The following C1orf21 variants were observed in gnomAD, a reference collection of about 807,000 sequenced individuals.
C1orf21 encodes chromosome 1 open reading frame 21.
C1orf21 carries 3 observed loss-of-function variants against 18.7 expected under a neutral mutation model. That is an observed-to-expected ratio of 0.16 (90% CI 0.07 to 0.42). C1orf21 has a LOEUF of 0.42. C1orf21 is among the 10% of genes least tolerant of loss of function. The probability of loss-of-function intolerance (pLI) is 0.99; values close to 1 mark genes in which losing one functional copy is unlikely to be tolerated. For missense variants in C1orf21, 104 were observed against 143.6 expected (o/e 0.72, Z 1.41); for synonymous variants, 41 against 46.4 (o/e 0.88, Z 0.47).
chr1:184,624,038 C>G lies in C1orf21; in HGVS notation c.*4482C>G. 6.6e-6 allele frequency: 1 copy of G among 152,640 alleles called. No homozygotes were observed. The highest frequency in any genetic ancestry group is 1.9e-4 in the East Asian group (1 of 5,200). The allele number at this position is 152,640 out of a possible 1,614,324, so 9.5% of individuals were successfully genotyped here. On this transcript the variant is annotated 3_prime_UTR_variant, in exon 6 of 6. Coordinates refer to ENST00000235307, the MANE Select transcript of C1orf21 (RefSeq NM_030806.4). ...CTCATGATAATCCTGTGAAGTAGAT[C>G]TATTACCCCCGTGTTCTAAATAATA...
chr1:184,537,126 A>G (rs777063712), intron 3 of C1orf21, among the ~76,000 whole-genome samples: 7 of 152,156 alleles, frequency 4.6e-5, no homozygotes, highest in Non-Finnish European at 1.0e-4. Flanking sequence ...GGTTTTTTTA[A>G]TTGTGGTAAA....
At chr1:184,487,966 GT>G (rs1162662097) in intron 2 of C1orf21, among the ~76,000 whole-genome samples, 4 of 152,360 alleles carry the variant, frequency 2.6e-5, no homozygotes, top group African/African-American at 9.6e-5. Context: ...GCAGCCTGCA[GT>G]TGCGCAGACC....
chr1:184,436,834 G>A (rs1656865726), intron 1 of C1orf21, among the ~76,000 whole-genome samples: 1 of 152,116 alleles, frequency 6.6e-6, no homozygotes, highest in African/African-American at 2.4e-5. Context: ...TCTAAGAGAG[G>A]TGACAGCCAT....
intron 1 of C1orf21, among the ~76,000 whole-genome samples, chr1:184,435,454 C>T (rs1557971615): frequency 1.3e-5 from 2 of 152,186 alleles, no homozygotes; most frequent in Non-Finnish European, 1.5e-5. Context: ...AGCAATTCTC[C>T]TGCCTCAGCC....
intron 3 of C1orf21, among the ~76,000 whole-genome samples, chr1:184,530,501 A>G (rs778382390): frequency 2.0e-5 from 3 of 152,094 alleles, no homozygotes; most frequent in Non-Finnish European, 4.4e-5. Flanking sequence ...TTTTAATAAT[A>G]TAAGTAATTC....
chr1:184,441,831 A>G (rs1018719842), intron 1 of C1orf21, among the ~76,000 whole-genome samples: 1 of 152,228 alleles, frequency 6.6e-6, no homozygotes, highest in Non-Finnish European at 1.5e-5. Context: ...TTTGACAATA[A>G]TTAAAGAAAT....
At chr1:184,420,490 C>A (rs1353615117) in intron 1 of C1orf21, among the ~76,000 whole-genome samples, 1 of 152,036 alleles carries the variant, frequency 6.6e-6, no homozygotes, top group East Asian at 1.9e-4. Context: ...AAAAGTTAGG[C>A]CTGTGGTAAT....
intron 1 of C1orf21, among the ~76,000 whole-genome samples, chr1:184,469,363 A>AAGGCT (rs1657457008): frequency 6.6e-6 from 1 of 152,228 alleles, no homozygotes; most frequent in Admixed American, 6.5e-5. Context: ...CTACCTCAGT[A>AAGGCT]ACCAGCTTAA....
At chr1:184,461,990 C>G (rs1657313434) in intron 1 of C1orf21, among the ~76,000 whole-genome samples, 1 of 152,114 alleles carries the variant, frequency 6.6e-6, no homozygotes, top group Non-Finnish European at 1.5e-5. Context: ...AAACCAGAGT[C>G]CATTACAGTG....
chr1:184,534,562 G>C lies in C1orf21; in HGVS notation c.189+26880G>C, dbSNP rs142388693. Among the ~76,000 whole-genome samples, 8 of 151,310 alleles carry C rather than the reference G, an allele frequency of 5.3e-5. No homozygotes were observed. The East Asian group carries it at 1.6e-3, about 30-fold the overall frequency. ...TGATTTCTTTTACACATTTGGTTGTGTTTTTTTTTATTTTAGTGATTTAAG... is the reference window on the plus strand; with the variant it reads ...TGATTTCTTTTACACATTTGGTTGTCTTTTTTTTTATTTTAGTGATTTAAG... On this transcript the variant is annotated intron_variant, in intron 3 of 5. Coordinates refer to ENST00000235307, the MANE Select transcript of C1orf21 (RefSeq NM_030806.4).
At chr1:184,478,235 T>A (rs997034601) in intron 2 of C1orf21, among the ~76,000 whole-genome samples, 2 of 152,122 alleles carry the variant, frequency 1.3e-5, no homozygotes, top group African/African-American at 2.4e-5. Context: ...TGTTTTTTTT[T>A]AAAGTGTAAT....
intron 2 of C1orf21, among the ~76,000 whole-genome samples, chr1:184,499,616 A>G (rs1470737156): frequency 6.6e-6 from 1 of 152,226 alleles, no homozygotes; most frequent in East Asian, 1.9e-4. Context: ...TCTTTCTGAT[A>G]TACTTTATTC....
intron 1 of C1orf21, among the ~76,000 whole-genome samples, chr1:184,414,484 C>T (rs1174362201): frequency 1.3e-5 from 2 of 151,992 alleles, no homozygotes; most frequent in East Asian, 3.9e-4. Flanking sequence ...AAAGAGAGGG[C>T]AGATATTATT....
rs150774096 is a variant in C1orf21 at position 184,387,991 on chromosome 1, A to G, written c.-125+623A>G. Among the ~76,000 whole-genome samples, 5 of 152,140 alleles carry G rather than the reference A, an allele frequency of 3.3e-5. No individual in the cohort carries two copies. The highest frequency in any genetic ancestry group is 1.2e-4 in the African/African-American group (5 of 41,508). ...ATTCGTGCCCATGCGAGGCAGCCAG[A>G]GGGTGCTTGGTTATTGTACACGAAA... is the stretch of plus-strand genomic sequence containing the variant. On this transcript the variant is annotated intron_variant, in intron 1 of 5. Coordinates refer to ENST00000235307, the MANE Select transcript of C1orf21 (RefSeq NM_030806.4). This position sits in a 1 kb window ranked among gnomAD's most constrained non-coding sequence, Gnocchi z 5.6.
intron 1 of C1orf21, among the ~76,000 whole-genome samples, chr1:184,421,188 G>A (rs1445408073): frequency 2.6e-5 from 4 of 152,128 alleles, no homozygotes; most frequent in African/African-American, 9.7e-5. Flanking sequence ...GTGTACTGGT[G>A]TGATCATAAC....
At chr1:184,421,801 A>G (rs377611894) in intron 1 of C1orf21, among the ~76,000 whole-genome samples, 2 of 152,198 alleles carry the variant, frequency 1.3e-5, no homozygotes, top group African/African-American at 4.8e-5. Context: ...AGCTGTCTGT[A>G]GTTTGGGGAT....
chr1:184,491,634 G>A (rs1355689442), intron 2 of C1orf21, among the ~76,000 whole-genome samples: 1 of 152,206 alleles, frequency 6.6e-6, no homozygotes, highest in Non-Finnish European at 1.5e-5. Flanking sequence ...TTACAGGCAT[G>A]AGCCACTGTG....
intron 5 of C1orf21, among the ~76,000 whole-genome samples, chr1:184,614,640 AT>A (rs1571303123): frequency 6.6e-6 from 1 of 152,108 alleles, no homozygotes; most frequent in Non-Finnish European, 1.5e-5. Flanking sequence ...TGTGCACTTA[AT>A]TTCTGTTATT....
At chr1:184,520,588 TGTTTCAG>T in intron 3 of C1orf21, among the ~76,000 whole-genome samples, 1 of 152,346 alleles carries the variant, frequency 6.6e-6, no homozygotes, top group South Asian at 2.1e-4. Context: ...CTGCTCATAA[TGTTTCAG>T]CTCAAATCAA....
Sources: allele counts gnomAD v4.1 joint callset (sites outside exome capture counted in the v4.1 genomes callset), GRCh38; gene constraint gnomAD v4.1.1; non-coding constraint Gnocchi (gnomAD v3.1); transcripts MANE v1.5; gene names NCBI Gene and HGNC (gene_info 2026-07-23, HGNC 2026-07-21).